The following C3orf52 variants were observed in gnomAD, a reference collection of about 807,000 sequenced individuals.
The protein encoded by C3orf52 is chromosome 3 open reading frame 52.
In C3orf52, 22 loss-of-function variants were observed where a neutral mutation model predicts 24.8. That is an observed-to-expected ratio of 0.89 (90% CI 0.63 to 1.27). The LOEUF is 1.27. C3orf52 is among the 50% of genes most tolerant of loss of function. C3orf52 has a pLI of 0.00. For synonymous variants in C3orf52, 93 were observed against 100.2 expected (o/e 0.93, Z 0.43); for missense variants, 265 against 260.7 (o/e 1.02, Z -0.11).
At chr3:112,120,545 G>GC (rs2074177935), downstream of C3orf52, among the ~76,000 whole-genome samples, 1 of 152,190 alleles carries the variant, frequency 6.6e-6, no homozygotes, top group Non-Finnish European at 1.5e-5. Context: ...TGCAGTTGTG[G>GC]CATAAATTGT....
Position 112,117,168 on chromosome 3 carries a change from A to G in C3orf52, c.*522A>G, listed in dbSNP as rs1214756027. The G allele has an allele frequency of 1.8e-6, 1 of 560,172 alleles. No individual in the cohort carries two copies. Among genetic ancestry groups the G allele is most frequent in the African/African-American group, 1.9e-5 (1 of 53,438 alleles). The allele number at this position is 560,172 out of a possible 1,614,324, so 34.7% of individuals were successfully genotyped here. On this transcript the variant is annotated 3_prime_UTR_variant, in exon 6 of 6. Coordinates refer to ENST00000264848, the MANE Select transcript of C3orf52 (RefSeq NM_024616.3). Reference sequence around the variant, plus strand: ...CAGCCAGGTTACGAAGACTAAGCCAATTATTCACTGAAGTCATCCTCCTCC... The same window carrying G: ...CAGCCAGGTTACGAAGACTAAGCCAGTTATTCACTGAAGTCATCCTCCTCC...
rs145905133 is a variant in C3orf52, at chr3:112,087,288, C to G, written c.138+743C>G. ...CACCTTGCTTTTACCTCCTCTCAATCCCTAAGGAAGTCCCTGGCTATTTTT... is the reference window on the plus strand; with the variant it reads ...CACCTTGCTTTTACCTCCTCTCAATGCCTAAGGAAGTCCCTGGCTATTTTT... On this transcript the variant is annotated intron_variant, in intron 1 of 5. Coordinates refer to ENST00000264848, the MANE Select transcript of C3orf52 (RefSeq NM_024616.3). 8.5e-3 allele frequency among the ~76,000 whole-genome samples: 1,289 copies of G among 152,294 alleles called. 18 individuals are homozygous for G. Among genetic ancestry groups the G allele is most frequent in the African/African-American group, 0.03 (1,227 of 41,576 alleles).
At chr3:112,123,854 C>A (rs978048173) in intron 4 of C3orf52, 53 of 1,433,018 alleles carry the variant, frequency 3.7e-5, no homozygotes, top group African/African-American at 5.7e-5. Flanking sequence ...AGGCTTGACC[C>A]TTGGTCAAGT....
chr3:112,133,056 A>G (rs142548681), downstream of C3orf52: 4,400 of 1,605,832 alleles, frequency 2.7e-3, 8 homozygotes, highest in Non-Finnish European at 3.2e-3. Context: ...GTCCTGTCCC[A>G]TCTCCTCTGC....
downstream of C3orf52, among the ~76,000 whole-genome samples, chr3:112,120,267 T>C (rs2074175106): frequency 6.6e-6 from 1 of 152,224 alleles, no homozygotes; most frequent in Admixed American, 6.5e-5. Flanking sequence ...AAACAGAATC[T>C]ACTTTTCCCT....
At chr3:112,124,635 A>G (rs2074269569) in intron 4 of C3orf52, among the ~76,000 whole-genome samples, 1 of 152,116 alleles carries the variant, frequency 6.6e-6, no homozygotes, top group African/African-American at 2.4e-5. Flanking sequence ...AAATATAAAT[A>G]ATCTTATGAT....
At chr3:112,092,827 T>C (rs2107775379) in intron 1 of C3orf52, among the ~76,000 whole-genome samples, 1 of 152,322 alleles carries the variant, frequency 6.6e-6, no homozygotes, top group East Asian at 1.9e-4. Flanking sequence ...TTGTAGCTTT[T>C]TCTTGGTGTT....
At chr3:112,096,717 G>A (rs539972451) in intron 2 of C3orf52, among the ~76,000 whole-genome samples, 2 of 152,088 alleles carry the variant, frequency 1.3e-5, no homozygotes, top group South Asian at 4.1e-4. Flanking sequence ...GTGTCCAGTG[G>A]GGAGTTATAT....
At chr3:112,119,252 G>T (rs545158268), downstream of C3orf52, among the ~76,000 whole-genome samples, 2 of 152,290 alleles carry the variant, frequency 1.3e-5, no homozygotes, top group East Asian at 3.9e-4. Flanking sequence ...GCAGGCGCCT[G>T]TAATCCCAGC....
chr3:112,130,925 C>T (rs1431069190), downstream of C3orf52: 3 of 171,460 alleles, frequency 1.7e-5, no homozygotes, highest in African/African-American at 7.1e-5. Flanking sequence ...GTAAATCACA[C>T]CATCTTTCAC....
intron 4 of C3orf52, among the ~76,000 whole-genome samples, chr3:112,126,619 T>A (rs1420515570): frequency 6.6e-6 from 1 of 152,198 alleles, no homozygotes; most frequent in Non-Finnish European, 1.5e-5. Context: ...CCTGCAGCTG[T>A]CAGGACAAAG....
chr3:112,123,218 A>G (rs1208517665), downstream of C3orf52: 9 of 692,018 alleles, frequency 1.3e-5, no homozygotes, highest in East Asian at 2.1e-4. Context: ...CAAACCATGT[A>G]GAACCAAAGA....
intron 2 of C3orf52, among the ~76,000 whole-genome samples, chr3:112,100,113 T>C (rs982939294): frequency 6.6e-6 from 1 of 152,216 alleles, no homozygotes; most frequent in African/African-American, 2.4e-5. Flanking sequence ...GTTCCAAACT[T>C]GTGCCTGTTG....
At chr3:112,110,761 C>T (rs1033480276) in intron 4 of C3orf52, among the ~76,000 whole-genome samples, 11 of 152,132 alleles carry the variant, frequency 7.2e-5, no homozygotes, top group African/African-American at 2.7e-4. Flanking sequence ...ATTGAGATTC[C>T]CCCTTCAAAC....
At chr3:112,133,491 G>T (rs1249596431), downstream of C3orf52, 1 of 207,844 alleles carries the variant, frequency 4.8e-6, no homozygotes, top group Non-Finnish European at 9.6e-6. Flanking sequence ...TGTCTTCTTA[G>T]AAAAGTCAGA....
chr3:112,131,126 T>C (rs2074441223), downstream of C3orf52: 1 of 152,388 alleles, frequency 6.6e-6, no homozygotes, highest in African/African-American at 2.4e-5. Flanking sequence ...TTGTGTGTTA[T>C]ATTTCATTTA....
chr3:112,093,722 G>A (rs971316407), intron 2 of C3orf52, among the ~76,000 whole-genome samples: 6 of 152,166 alleles, frequency 3.9e-5, no homozygotes, highest in Admixed American at 2.6e-4. Flanking sequence ...ATAGAAACCA[G>A]TGTTTTACTT....
intron 1 of C3orf52, 32 bp from the exon 2 acceptor site, chr3:112,093,328 G>T: frequency 1.2e-6 from 2 of 1,611,480 alleles, no homozygotes; most frequent in South Asian, 2.2e-5. Flanking sequence ...GCAACACAAT[G>T]ACTGCCTCAC....
In C3orf52 at chr3:112,094,348, G is replaced by A. The variant is rs527679880; in HGVS notation, c.268+859G>A. ...TTTATTTTATTAGTGTTGTATGTGT[G>A]TATAAAACAAAAAATGTATAGAATG... On this transcript the variant is annotated intron_variant, in intron 2 of 5. Transcript: ENST00000264848. Among the ~76,000 whole-genome samples the A allele has an allele frequency of 6.6e-5, 10 of 152,122 alleles. No individual in the cohort carries two copies. In the South Asian group the frequency reaches 1.9e-3, roughly 28 times the overall value.
Sources: gnomAD v4.1 joint callset for allele counts (sites outside exome capture counted in the v4.1 genomes callset) on GRCh38, gnomAD v4.1.1 for gene constraint, MANE v1.5 for transcripts, NCBI Gene and HGNC (gene_info 2026-07-23, HGNC 2026-07-21) for gene names.